Variants in NSMF observed in about 807,000 individuals in gnomAD.
The protein encoded by NSMF is nasal embryonic LHRH factor.
Under a neutral mutation model 71.0 loss-of-function variants are expected in NSMF, and 31 were observed. The observed-to-expected ratio is 0.44, with a 90% CI of 0.33 to 0.59. NSMF has a LOEUF of 0.59. Among genes scored for constraint, NSMF ranks in the 20% least tolerant of loss-of-function variants. NSMF has a pLI of 0.04. For synonymous variants in NSMF, 345 were observed against 287.1 expected (o/e 1.20, Z -2.04); for missense variants, 673 against 740.5 (o/e 0.91, Z 1.06).
intron 13 of NSMF, 43 bp from the exon 14 acceptor site, chr9:137,450,068 C>A (rs768947122): frequency 1.3e-6 from 2 of 1,592,184 alleles, no homozygotes; most frequent in Admixed American, 1.7e-5. Context: ...GGGACAGGCA[C>A]CCCACTCCAC....
intron 9 of NSMF, 57 bp from the exon 10 acceptor site, chr9:137,452,876 G>A (rs1375107342): frequency 1.9e-6 from 3 of 1,547,406 alleles, no homozygotes; most frequent in Admixed American, 1.9e-5. Flanking sequence ...CCAAGGGGCT[G>A]TGGGAGCCCC....
chr9:137,454,761 G>A (rs754350801), intron 6 of NSMF: 76 of 1,430,492 alleles, frequency 5.3e-5, no homozygotes, highest in Admixed American at 3.2e-4. Context: ...GAGCCTCCAC[G>A]CCCATGTGGC....
rs751130889 is a variant in NSMF at position 137,457,455 on chromosome 9, CGGA to C, written c.577_579del (p.Ser193del). Reference sequence around the variant, plus strand: ...ATCCTCTCCAGCTTCTTGCGGCGACCGGAGGTCTCAGGCAGAGGTGGCTGGTCC... The same window carrying C: ...ATCCTCTCCAGCTTCTTGCGGCGACCGGTCTCAGGCAGAGGTGGCTGGTCC... On this transcript the variant is annotated inframe_deletion, in exon 3 of 16. Transcript: ENST00000371475. The C allele has an allele frequency of 1.2e-6, 2 of 1,612,740 alleles. No individual in the cohort carries two copies. Among genetic ancestry groups the C allele is most frequent in the Middle Eastern group, 1.6e-4 (1 of 6,084 alleles).
chr9:137,456,863 T>G (rs915587834), intron 3 of NSMF, among the ~76,000 whole-genome samples: 3 of 152,290 alleles, frequency 2.0e-5, no homozygotes, highest in East Asian at 3.9e-4. Flanking sequence ...ATGCTCTAGC[T>G]GGAGGCCCTC....
intron 4 of NSMF, 71 bp from the exon 5 acceptor site, chr9:137,455,705 G>T: frequency 6.6e-7 from 1 of 1,511,744 alleles, no homozygotes; most frequent in Non-Finnish European, 9.0e-7. Context: ...CCTCCCCTCA[G>T]CCCCCACCCG....
intron 5 of NSMF, 60 bp from the exon 6 acceptor site, chr9:137,455,367 C>A (rs753398060): frequency 1.3e-5 from 21 of 1,578,258 alleles, no homozygotes; most frequent in Non-Finnish European, 1.7e-5. Flanking sequence ...ACACAGACGT[C>A]GGGACAGTGG....
At chr9:137,457,183 G>A (rs980357491) in intron 3 of NSMF, among the ~76,000 whole-genome samples, 5 of 152,164 alleles carry the variant, frequency 3.3e-5, no homozygotes, top group African/African-American at 1.2e-4. Flanking sequence ...GGGCGAAAGC[G>A]GACTGTGAGG....
At position 137,453,960 on chromosome 9, in the gene NSMF, C is replaced by G. The variant is rs1198540561; in HGVS notation, c.833-140G>C. ...GGGTCTAAGGCACATGAAGCAGACA[C>G]GGACCAGAGGCTCGGTTGGTTCAGG... On this transcript the variant is annotated intron_variant, in intron 7 of 15. Transcript: ENST00000371475. The surrounding 1 kb of genome is among the most constrained non-coding windows in gnomAD (Gnocchi z 4.5). The G allele has an allele frequency of 2.9e-6, 2 of 694,460 alleles. No individual in the cohort carries two copies. Among genetic ancestry groups the G allele is most frequent in the East Asian group, 2.7e-5 (1 of 36,690 alleles). The allele number at this position is 694,460 out of a possible 1,614,324, so 43.0% of individuals were successfully genotyped here. A position where few individuals can be genotyped will look rare whatever the true frequency, so the allele number is the denominator to read the frequency against.
intron 1 of NSMF, 71 bp downstream of exon 1, chr9:137,458,961 G>A: frequency 8.6e-7 from 1 of 1,168,968 alleles, no homozygotes; most frequent in Non-Finnish European, 1.1e-6. Context: ...GAGCACCGCG[G>A]GGCAGGGGCG....
At position 137,453,916 on chromosome 9, in the gene NSMF, G is replaced by C. The variant is rs968192082; in HGVS notation, c.833-96C>G. 2.8e-6 allele frequency: 3 copies of C among 1,068,002 alleles called. No individual in the cohort carries two copies. The East Asian group carries it at 7.8e-5, about 28-fold the overall frequency. 66.2% of individuals were successfully genotyped at this position (1,068,002 alleles called of 1,614,324 possible). ...GGGACCACAGGGGCCCTGGGCAGAGGAGGAAGCTAATGTGGGTGGGGTCTA... is the reference window on the plus strand; with the variant it reads ...GGGACCACAGGGGCCCTGGGCAGAGCAGGAAGCTAATGTGGGTGGGGTCTA... On this transcript the variant is annotated intron_variant, in intron 7 of 15. Coordinates refer to ENST00000371475, the MANE Select transcript of NSMF (RefSeq NM_001130969.3). This position sits in a 1 kb window ranked among gnomAD's most constrained non-coding sequence, Gnocchi z 4.5.
rs1281484579 is a variant in NSMF at position 137,455,254 on chromosome 9, G to C, written c.764C>G (p.Ala255Gly). 1 of 1,612,798 alleles carries C rather than the reference G, an allele frequency of 6.2e-7. No individual in the cohort carries two copies. Among genetic ancestry groups the C allele is most frequent in the Non-Finnish European group, 8.5e-7 (1 of 1,179,922 alleles). ...RKRRKRENDSASVIQRNFRKH... is the reference protein window; with the variant it reads ...RKRRKRENDSGSVIQRNFRKH... Reference sequence around the variant, plus strand: ...CAGGCCCTACCTCTGGATTACAGACGCGGAATCATTCTCCCGTTTCCGGCG... The same window carrying C: ...CAGGCCCTACCTCTGGATTACAGACCCGGAATCATTCTCCCGTTTCCGGCG... The change falls in exon 6 of 16, where the codon GCG (alanine) becomes GGG (glycine). Residue 255 changes from alanine to glycine, a missense_variant. This residue lies in a region of NSMF where 471 missense variants were observed against 459.6 expected (regional missense o/e 1.02). Transcript: ENST00000371475.
rs933879120 is a variant in NSMF at position 137,450,178 on chromosome 9, A to C, written c.1314T>G (p.Ile438Met). Residue 438 changes from isoleucine (I) to methionine (M), a missense_variant and splice_region_variant, in exon 13 of 16, where the codon ATT (isoleucine) becomes ATG (methionine). Ile to Met is a conservative substitution (Grantham distance 10). This residue lies in a region of NSMF where 202 missense variants were observed against 280.8 expected (regional missense o/e 0.72). Coordinates refer to ENST00000371475, the MANE Select transcript of NSMF (RefSeq NM_001130969.3). ...FAKVEKEEDM[I>M]HFWKRLSRLM... ...GCCCAGGGCACCCGGCTTCTCACTG[A>C]ATCATGTCCTCTTCCTTCTCCACTT... The C allele has an allele frequency of 6.2e-7, 1 of 1,613,182 alleles. No individual in the cohort carries two copies. Among genetic ancestry groups the C allele is most frequent in the African/African-American group, 1.3e-5 (1 of 74,960 alleles).
rs1830653473 is a variant in NSMF, at chr9:137,453,504, C to A, written c.922+227G>T. On this transcript the variant is annotated intron_variant, in intron 8 of 15. Transcript: ENST00000371475. This position sits in a 1 kb window ranked among gnomAD's most constrained non-coding sequence, Gnocchi z 4.5. Reference sequence around the variant, plus strand: ...GCCCCTGAGGGCCTCTTGCGAGTGGCGGTGGGCACGGCCCTACAGGCGCCC... The same window carrying A: ...GCCCCTGAGGGCCTCTTGCGAGTGGAGGTGGGCACGGCCCTACAGGCGCCC... The A allele has an allele frequency of 3.3e-6, 2 of 597,782 alleles. No individual in the cohort carries two copies. Among genetic ancestry groups the A allele is most frequent in the Non-Finnish European group, 3.0e-6 (1 of 338,100 alleles). 37.0% of individuals were successfully genotyped at this position (597,782 alleles called of 1,614,324 possible). A position where few individuals can be genotyped will look rare whatever the true frequency, so the allele number is the denominator to read the frequency against.
intron 12 of NSMF, 63 bp from the exon 13 acceptor site, chr9:137,450,318 C>G (rs1420208614): frequency 8.1e-6 from 11 of 1,359,930 alleles, no homozygotes; most frequent in Non-Finnish European, 1.2e-5. Context: ...ACACATGCAC[C>G]CACGCACATG....
In NSMF at chr9:137,453,609, G is replaced by A. The variant is rs1316435221; in HGVS notation, c.922+122C>T. On this transcript the variant is annotated intron_variant, in intron 8 of 15. Transcript: ENST00000371475. This position sits in a 1 kb window ranked among gnomAD's most constrained non-coding sequence, Gnocchi z 4.5. ...GAGGGCGTCCCCATCTCACAAACAGGTAAACCAAGATTCAGGAGTGCAAAA... is the reference window on the plus strand; with the variant it reads ...GAGGGCGTCCCCATCTCACAAACAGATAAACCAAGATTCAGGAGTGCAAAA... 2 of 739,686 alleles carry A rather than the reference G, an allele frequency of 2.7e-6. No individual in the cohort carries two copies. Among genetic ancestry groups the A allele is most frequent in the African/African-American group, 3.5e-5 (2 of 56,404 alleles). 45.8% of individuals were successfully genotyped at this position (739,686 alleles called of 1,614,324 possible). A position where few individuals can be genotyped will look rare whatever the true frequency, so the allele number is the denominator to read the frequency against.
chr9:137,458,628 CGGTCCCCAGCCA>C, intron 1 of NSMF, 79 bp from the exon 2 acceptor site: 7 of 1,358,528 alleles, frequency 5.2e-6, no homozygotes, highest in Non-Finnish European at 7.1e-6. Context: ...GCCGGGGGTC[CGGTCCCCAGCCA>C]GGCCCTCGGC....
rs1352220623 is a variant in NSMF at position 137,457,829 on chromosome 9, C to T, written c.206G>A (p.Arg69His). ...GCCGTTGGAGACGAGGGACAGGCGG[C>T]GCTTGTTCTGGGGGGCCGGCTGCAT... Reference protein sequence around the residue: ...PEMQPAPQNKRRLSLVSNGCY... With the variant: ...PEMQPAPQNKHRLSLVSNGCY... The change falls in exon 3 of 16, where the codon CGC becomes CAC. Residue 69 changes from arginine to histidine, a missense_variant. Arg to His is a conservative substitution (Grantham distance 29). This residue lies in a region of NSMF where 471 missense variants were observed against 459.6 expected (regional missense o/e 1.02). Coordinates refer to ENST00000371475, the MANE Select transcript of NSMF (RefSeq NM_001130969.3). 4 of 1,555,840 alleles carry T rather than the reference C, an allele frequency of 2.6e-6. No homozygotes were observed. Among genetic ancestry groups the T allele is most frequent in the East Asian group, 2.4e-5 (1 of 41,714 alleles).
intron 1 of NSMF, 55 bp from the exon 2 acceptor site, chr9:137,458,604 C>T (rs917002116): frequency 6.6e-7 from 1 of 1,512,468 alleles, no homozygotes; most frequent in Non-Finnish European, 9.0e-7. Context: ...TCCCAAACAC[C>T]GGGCCGCGCA....
chr9:137,455,500 G>C, intron 5 of NSMF, 129 bp downstream of exon 5: 1 of 1,244,562 alleles, frequency 8.0e-7, no homozygotes, highest in Non-Finnish European at 1.1e-6. Context: ...CCCGCTGGGA[G>C]CCAGGCCCGC....
Sources: gnomAD v4.1 joint callset for allele counts (sites outside exome capture counted in the v4.1 genomes callset) on GRCh38, gnomAD v4.1.1 for gene constraint, gnomAD v4.1.1 regional missense constraint, Gnocchi (gnomAD v3.1) non-coding constraint, MANE v1.5 for transcripts, NCBI Gene and HGNC (gene_info 2026-07-23, HGNC 2026-07-21) for gene names.